Variants in IGF1R observed in about 807,000 individuals in gnomAD.
IGF1R encodes the protein insulin-like growth factor 1 receptor.
A neutral mutation model predicts 144.6 loss-of-function variants in IGF1R; 44 were observed. The ratio of observed to expected loss-of-function variants is 0.30; its 90% CI spans 0.24 to 0.39. The LOEUF (loss-of-function observed/expected upper bound fraction) is 0.39. Among genes scored for constraint, IGF1R ranks in the 10% least tolerant of loss-of-function variants. The probability of loss-of-function intolerance (pLI) is 1.00; values close to 1 mark genes in which losing one functional copy is unlikely to be tolerated. For synonymous variants in IGF1R, 795 were observed against 722.8 expected (o/e 1.10, Z -1.60); for missense variants, 1,355 against 1,833.7 (o/e 0.74, Z 4.77).
chr15:98,710,153 G>C (rs957481497), intron 2 of IGF1R, among the ~76,000 whole-genome samples: 2 of 152,206 alleles, frequency 1.3e-5, no homozygotes, highest in African/African-American at 2.4e-5. Context: ...GCTGGTGACA[G>C]ACAGAGCCTT....
At position 98,922,474 on chromosome 15, in the gene IGF1R, A is replaced by G. The variant is rs2015530552; in HGVS notation, c.2485+43A>G. 1.9e-6 allele frequency: 3 copies of G among 1,596,232 alleles called. No individual in the cohort carries two copies. In the South Asian group the frequency reaches 3.3e-5, roughly 18 times the overall value. ...TGGCCCCATTGCCACCTTCCTCACA[A>G]CCTAGTGGAGAAGATGTGTTTTATG... On this transcript the variant is annotated intron_variant, in intron 11 of 20. Coordinates refer to ENST00000650285, the MANE Select transcript of IGF1R (RefSeq NM_000875.5).
chr15:98,732,775 T>C (rs1465171323), intron 2 of IGF1R, among the ~76,000 whole-genome samples: 1 of 152,158 alleles, frequency 6.6e-6, no homozygotes, highest in Admixed American at 6.5e-5. Context: ...TTGTTGAGTT[T>C]AGGTGCTTGT....
At chr15:98,759,600 T>G (rs1240549743) in intron 2 of IGF1R, among the ~76,000 whole-genome samples, 1 of 152,276 alleles carries the variant, frequency 6.6e-6, no homozygotes. Flanking sequence ...TGGAAATTGT[T>G]GCTATGCATG....
chr15:98,669,523 T>TA (rs1279217996), intron 1 of IGF1R, among the ~76,000 whole-genome samples: 4 of 152,202 alleles, frequency 2.6e-5, no homozygotes, highest in Non-Finnish European at 5.9e-5. Flanking sequence ...TATGAATTCT[T>TA]ACTGCTTGAT....
intron 2 of IGF1R, among the ~76,000 whole-genome samples, chr15:98,756,879 ATGTC>A (rs137858864): frequency 0.016 from 2,392 of 152,278 alleles, 33 homozygotes; most frequent in South Asian, 0.043. Context: ...ACTTAGAAGT[ATGTC>A]TGTCCTTGAA....
At position 98,916,125 on chromosome 15, in the gene IGF1R, T is replaced by C; in HGVS notation, c.1990T>C (p.Ser664Pro). 6.2e-7 allele frequency: 1 copy of C among 1,614,134 alleles called. No homozygotes were observed. The highest frequency in any genetic ancestry group is 8.5e-7 in the Non-Finnish European group (1 of 1,180,006). Reference sequence around the variant, plus strand: ...CTACCTTTACCGGCACAATTACTGCTCCAAAGGTAAGGGTGCAGCAGCGGC... The same window carrying C: ...CTACCTTTACCGGCACAATTACTGCCCCAAAGGTAAGGGTGCAGCAGCGGC... The part of the protein sequence containing the change: ...DGYLYRHNYC[S>P]KDKIPIRKYA... Residue 664 changes from serine to proline, a missense_variant, in exon 9 of 21, where the codon TCC becomes CCC. Physicochemically the swap from Ser to Pro is moderately conservative, Grantham distance 74. Coordinates refer to ENST00000650285, the MANE Select transcript of IGF1R (RefSeq NM_000875.5).
At chr15:98,761,360 A>T (rs1354176163) in intron 2 of IGF1R, among the ~76,000 whole-genome samples, 3 of 152,228 alleles carry the variant, frequency 2.0e-5, no homozygotes, top group Admixed American at 6.5e-5. Flanking sequence ...GCCTAGCCAC[A>T]CTGAGAAAGG....
At chr15:98,832,950 C>G (rs1472092554) in intron 2 of IGF1R, among the ~76,000 whole-genome samples, 1 of 152,188 alleles carries the variant, frequency 6.6e-6, no homozygotes, top group Non-Finnish European at 1.5e-5. Context: ...TACATTCTTT[C>G]ATGACTTTGT....
In IGF1R at chr15:98,958,825, C is replaced by T. The variant is rs531446958; in HGVS notation, c.*1383C>T. 48 of 233,152 alleles carry T rather than the reference C, an allele frequency of 2.1e-4. No individual in the cohort carries two copies. Among genetic ancestry groups the T allele is most frequent in the Admixed American group, 1.2e-3 (21 of 17,758 alleles). 14.4% of individuals were successfully genotyped at this position (233,152 alleles called of 1,614,324 possible). A position where few individuals can be genotyped will look rare whatever the true frequency, so the allele number is the denominator to read the frequency against. Reference sequence around the variant, plus strand: ...ACTTCTTATGCTTTGTACTAGAGTGCGTGACTTTCTTCCTCTTTTCCCGGT... The same window carrying T: ...ACTTCTTATGCTTTGTACTAGAGTGTGTGACTTTCTTCCTCTTTTCCCGGT... On this transcript the variant is annotated 3_prime_UTR_variant, in exon 21 of 21. Coordinates refer to ENST00000650285, the MANE Select transcript of IGF1R (RefSeq NM_000875.5).
At chr15:98,909,028 T>C (rs1212127263) in intron 6 of IGF1R, 129 bp downstream of exon 6, 2 of 778,402 alleles carry the variant, frequency 2.6e-6, no homozygotes, top group Non-Finnish European at 4.5e-6. Context: ...TAGACCATCT[T>C]AACTAGCACT....
At chr15:98,907,705 C>T (rs544894059) in intron 5 of IGF1R, among the ~76,000 whole-genome samples, 1 of 152,342 alleles carries the variant, frequency 6.6e-6, no homozygotes, top group East Asian at 1.9e-4. Flanking sequence ...GCTTTCTTGC[C>T]TCTCCAGGGA....
intron 2 of IGF1R, among the ~76,000 whole-genome samples, chr15:98,711,371 G>A (rs1205117423): frequency 1.3e-5 from 2 of 152,134 alleles, no homozygotes; most frequent in Non-Finnish European, 2.9e-5. Context: ...ATTTTGTCGT[G>A]CTGTTGCGCG....
intron 2 of IGF1R, among the ~76,000 whole-genome samples, chr15:98,774,057 T>A (rs2055653854): frequency 6.6e-6 from 1 of 152,238 alleles, no homozygotes; most frequent in Non-Finnish European, 1.5e-5. Flanking sequence ...TTTTGGTTAA[T>A]CTCAGCAATT....
intron 2 of IGF1R, among the ~76,000 whole-genome samples, chr15:98,729,937 T>C (rs2054459145): frequency 6.6e-6 from 1 of 152,182 alleles, no homozygotes; most frequent in Admixed American, 6.5e-5. Flanking sequence ...TGCAGGTCCA[T>C]GATATTGTAA....
At chr15:98,864,699 T>C (rs1020936332) in intron 2 of IGF1R, among the ~76,000 whole-genome samples, 1 of 152,228 alleles carries the variant, frequency 6.6e-6, no homozygotes, top group Non-Finnish European at 1.5e-5. Context: ...AAATAACTCT[T>C]TAGCCAAAAG....
At chr15:98,746,574 T>C (rs1444018558) in intron 2 of IGF1R, among the ~76,000 whole-genome samples, 1 of 151,724 alleles carries the variant, frequency 6.6e-6, no homozygotes, top group Non-Finnish European at 1.5e-5. Flanking sequence ...TGAGTGCTTC[T>C]AAAATCATCT....
intron 2 of IGF1R, among the ~76,000 whole-genome samples, chr15:98,846,278 C>T (rs1024535847): frequency 2.0e-5 from 3 of 152,178 alleles, no homozygotes; most frequent in African/African-American, 4.8e-5. Context: ...TAACATCCTC[C>T]GTGCCTCTGT....
chr15:98,864,496 G>A (rs1306122366), intron 2 of IGF1R, among the ~76,000 whole-genome samples: 1 of 152,284 alleles, frequency 6.6e-6, no homozygotes, highest in South Asian at 2.1e-4. Flanking sequence ...TTAAGTTAAT[G>A]CTCCCACCTC....
intron 1 of IGF1R, among the ~76,000 whole-genome samples, chr15:98,650,648 C>G (rs1458210918): frequency 1.3e-5 from 2 of 152,214 alleles, no homozygotes; most frequent in Non-Finnish European, 2.9e-5. Context: ...CCTAGACGCC[C>G]GTCCCTGGCG....
Sources: allele counts gnomAD v4.1 joint callset (sites outside exome capture counted in the v4.1 genomes callset), GRCh38; gene constraint gnomAD v4.1.1; transcripts MANE v1.5; gene names NCBI Gene and HGNC (gene_info 2026-07-23, HGNC 2026-07-21).